Variants in SH3RF1 observed in about 807,000 individuals in gnomAD.
SH3RF1 encodes the protein E3 ubiquitin-protein ligase SH3RF1.
Under a neutral mutation model 74.0 loss-of-function variants are expected in SH3RF1, and 32 were observed. The observed-to-expected ratio is 0.43, with a 90% confidence interval of 0.33 to 0.58. The LOEUF is 0.58. Ranked by LOEUF, SH3RF1 falls within the 20% of genes least tolerant of loss-of-function variation. The pLI is 0.05. For missense variants in SH3RF1, 954 were observed against 1,130.9 expected (o/e 0.84, Z 2.24); for synonymous variants, 396 against 439.6 (o/e 0.90, Z 1.24).
chr4:169,211,755 CAA>C (rs774544940), intron 2 of SH3RF1, among the ~76,000 whole-genome samples: 2 of 152,110 alleles, frequency 1.3e-5, no homozygotes, highest in African/African-American at 2.4e-5. Context: ...AAAATATTCT[CAA>C]GTTTTATTTC....
chr4:169,191,170 G>A (rs1734700111), intron 2 of SH3RF1, among the ~76,000 whole-genome samples: 2 of 151,870 alleles, frequency 1.3e-5, no homozygotes, highest in African/African-American at 4.8e-5. Context: ...AACAAGACAA[G>A]GATGCCCACC....
At chr4:169,148,036 C>T (rs750303135) in intron 4 of SH3RF1, among the ~76,000 whole-genome samples, 5 of 152,012 alleles carry the variant, frequency 3.3e-5, no homozygotes, top group Admixed American at 6.5e-5. Flanking sequence ...AAGGCAACCT[C>T]AGATATTTAA....
At chr4:169,250,301 T>C (rs1257851923) in intron 2 of SH3RF1, among the ~76,000 whole-genome samples, 1 of 151,550 alleles carries the variant, frequency 6.6e-6, no homozygotes, top group African/African-American at 2.4e-5. Flanking sequence ...GGAATCATAC[T>C]GCTCATCTCT....
chr4:169,206,904 C>A (rs1015668592), intron 2 of SH3RF1, among the ~76,000 whole-genome samples: 4 of 152,118 alleles, frequency 2.6e-5, no homozygotes, highest in African/African-American at 9.7e-5. Context: ...GGAGGCAGAA[C>A]TGGGATCACT....
intron 2 of SH3RF1, among the ~76,000 whole-genome samples, chr4:169,161,467 G>A (rs912578854): frequency 3.3e-5 from 5 of 152,034 alleles, no homozygotes; most frequent in African/African-American, 1.2e-4. Flanking sequence ...TACCATCAGC[G>A]GTATTCCAAT....
rs191058010 is a variant in SH3RF1 at position 169,231,098 on chromosome 4, G to A, written c.393+37722C>T. Among the ~76,000 whole-genome samples the A allele has an allele frequency of 4.6e-3, 698 of 152,242 alleles. 6 individuals carry two copies. Among genetic ancestry groups the A allele is most frequent in the South Asian group, 0.026 (126 of 4,818 alleles). On this transcript the variant is annotated intron_variant, in intron 2 of 11. Transcript: ENST00000284637. ...CTTCATCTGTAAATAGAAGGTGGTCGTAATACTTACCTCATGGGGTTGTTG... is the reference window on the plus strand; with the variant it reads ...CTTCATCTGTAAATAGAAGGTGGTCATAATACTTACCTCATGGGGTTGTTG...
chr4:169,197,349 G>A (rs566226771), intron 2 of SH3RF1, among the ~76,000 whole-genome samples: 1 of 151,964 alleles, frequency 6.6e-6, no homozygotes, highest in South Asian at 2.1e-4. Context: ...ACCCAGCAGG[G>A]CGCAGAGGCT....
In SH3RF1 at chr4:169,138,065, C is replaced by T. The variant is rs143752479; in HGVS notation, c.766-1445G>A. Among the ~76,000 whole-genome samples, 654 of 152,224 alleles carry T rather than the reference C, an allele frequency of 4.3e-3. 6 individuals carry two copies. The highest frequency in any genetic ancestry group is 0.015 in the African/African-American group (627 of 41,530). On this transcript the variant is annotated intron_variant, in intron 4 of 11. Coordinates refer to ENST00000284637, the MANE Select transcript of SH3RF1 (RefSeq NM_020870.4). Reference sequence around the variant, plus strand: ...GGAGAAAGATCATAAAGACTTCTTCCGATATGTGTTTAGGGATGAAAATGA... The same window carrying T: ...GGAGAAAGATCATAAAGACTTCTTCTGATATGTGTTTAGGGATGAAAATGA...
chr4:169,143,988 C>T (rs147879923), intron 4 of SH3RF1, among the ~76,000 whole-genome samples: 1 of 152,308 alleles, frequency 6.6e-6, no homozygotes, highest in East Asian at 1.9e-4. Flanking sequence ...AAGCCCTGAA[C>T]TTCACACCGA....
At chr4:169,231,279 G>A (rs1730734007) in intron 2 of SH3RF1, among the ~76,000 whole-genome samples, 1 of 152,126 alleles carries the variant, frequency 6.6e-6, no homozygotes, top group Non-Finnish European at 1.5e-5. Context: ...AAATAAAAAG[G>A]AAAATAAGTT....
chr4:169,264,478 A>T (rs1405873296), intron 2 of SH3RF1, among the ~76,000 whole-genome samples: 1 of 152,236 alleles, frequency 6.6e-6, no homozygotes, highest in Non-Finnish European at 1.5e-5. Flanking sequence ...AGCCCCTAAC[A>T]GTCAGCAACA....
chr4:169,211,623 T>C (rs1043918920), intron 2 of SH3RF1, among the ~76,000 whole-genome samples: 5 of 152,176 alleles, frequency 3.3e-5, no homozygotes, highest in Admixed American at 1.3e-4. Context: ...CTGTACTTAG[T>C]ACAATTCAAA....
chr4:169,195,398 G>A (rs1734792672), intron 2 of SH3RF1, among the ~76,000 whole-genome samples: 1 of 152,112 alleles, frequency 6.6e-6, no homozygotes, highest in Admixed American at 6.5e-5. Context: ...GATATGTCTA[G>A]GTATGAGTTT....
chr4:169,126,141 T>C (rs1042141101), intron 6 of SH3RF1, among the ~76,000 whole-genome samples: 4 of 152,252 alleles, frequency 2.6e-5, no homozygotes, highest in Admixed American at 6.5e-5. Context: ...ATTAATGAGA[T>C]TGTGAAGTCA....
chr4:169,121,380 T>C (rs770808813), intron 7 of SH3RF1, among the ~76,000 whole-genome samples: 7 of 152,186 alleles, frequency 4.6e-5, no homozygotes, highest in Non-Finnish European at 8.8e-5. Context: ...AATGAGAACA[T>C]ATGGTATGAA....
At chr4:169,262,732 A>G (rs1229613549) in intron 2 of SH3RF1, among the ~76,000 whole-genome samples, 1 of 152,200 alleles carries the variant, frequency 6.6e-6, no homozygotes, top group Non-Finnish European at 1.5e-5. Context: ...TTACATGATT[A>G]TGGTTACATG....
intron 2 of SH3RF1, among the ~76,000 whole-genome samples, chr4:169,265,727 C>T (rs574428361): frequency 6.6e-6 from 1 of 152,242 alleles, no homozygotes; most frequent in African/African-American, 2.4e-5. Flanking sequence ...CCCACCTCCT[C>T]GGCCTCCCAA....
chr4:169,112,721 T>A (rs1303829358), intron 10 of SH3RF1, among the ~76,000 whole-genome samples: 1 of 152,076 alleles, frequency 6.6e-6, no homozygotes, highest in Non-Finnish European at 1.5e-5. Context: ...CCATAGCAAT[T>A]CAAGAAGGCT....
At chr4:169,140,968 G>A (rs1232965658) in intron 4 of SH3RF1, among the ~76,000 whole-genome samples, 2 of 148,632 alleles carry the variant, frequency 1.3e-5, no homozygotes, top group African/African-American at 4.9e-5. Flanking sequence ...TTTTTTTGAG[G>A]TTTTGTTTTT....
Sources: gnomAD v4.1 joint callset for allele counts (sites outside exome capture counted in the v4.1 genomes callset) on GRCh38, gnomAD v4.1.1 for gene constraint, MANE v1.5 for transcripts, NCBI Gene and HGNC (gene_info 2026-07-23, HGNC 2026-07-21) for gene names.